WDR17: variants seen among roughly 807,000 people sequenced by gnomAD.
The protein encoded by WDR17 is WD repeat domain 17, also known as WD repeat-containing protein 17.
In WDR17, 143 loss-of-function variants were observed where a neutral mutation model predicts 161.7. The observed-to-expected ratio is 0.88, with a 90% CI of 0.77 to 1.02. WDR17 has a LOEUF of 1.02. WDR17 is among the 50% of genes least tolerant of loss of function. The probability of loss-of-function intolerance (pLI) is 0.00; values close to 1 mark genes in which losing one functional copy is unlikely to be tolerated. For missense variants in WDR17, 1,469 were observed against 1,520.9 expected (o/e 0.97, Z 0.57); for synonymous variants, 517 against 515.6 (o/e 1.00, Z -0.04).
At chr4:176,142,461 C>T (rs766830016) in intron 11 of WDR17, among the ~76,000 whole-genome samples, 2 of 152,120 alleles carry the variant, frequency 1.3e-5, no homozygotes, top group African/African-American at 4.8e-5. Flanking sequence ...GTCCCCCACC[C>T]GATGCTAATG....
At chr4:176,122,108 C>T (rs1348812238) in intron 4 of WDR17, among the ~76,000 whole-genome samples, 1 of 152,160 alleles carries the variant, frequency 6.6e-6, no homozygotes, top group Non-Finnish European at 1.5e-5. Flanking sequence ...GGCCATGCTC[C>T]CCCTGAAGGC....
At chr4:176,153,668 C>T (rs1195849137) in intron 17 of WDR17, among the ~76,000 whole-genome samples, 1 of 152,062 alleles carries the variant, frequency 6.6e-6, no homozygotes, top group Non-Finnish European at 1.5e-5. Context: ...AATTGTGTAG[C>T]TACAAAGCAT....
At position 176,177,515 on chromosome 4, in the gene WDR17, G is replaced by A; in HGVS notation, c.3593G>A (p.Arg1198Lys). Residue 1198 changes from arginine to lysine, a missense_variant, in exon 28 of 29, where the codon AGA becomes AAA. Transcript: ENST00000508596. The part of the protein sequence containing the change: ...SPYTPPSDSQ[R>K]MIYATLLKRL... ...TATACACCCCCTTCTGATTCACAAA[G>A]AATGATTTATGCAACTTTATTAAAG... The A allele has an allele frequency of 1.9e-6, 3 of 1,587,326 alleles. No homozygotes were observed. The highest frequency in any genetic ancestry group is 1.2e-5 in the South Asian group (1 of 86,220).
intron 1 of WDR17, among the ~76,000 whole-genome samples, chr4:176,076,061 T>G (rs1005868675): frequency 1.3e-5 from 2 of 151,934 alleles, no homozygotes; most frequent in African/African-American, 2.4e-5. Flanking sequence ...TGTGCAGTGG[T>G]GAAAAATGAT....
chr4:176,069,092 T>G (rs1310970071), intron 1 of WDR17, among the ~76,000 whole-genome samples: 1 of 152,122 alleles, frequency 6.6e-6, no homozygotes, highest in Non-Finnish European at 1.5e-5. Context: ...GTTCAGGTTG[T>G]TTTCATCTGA....
intron 1 of WDR17, among the ~76,000 whole-genome samples, chr4:176,079,054 A>G (rs1734412769): frequency 6.6e-6 from 1 of 152,102 alleles, no homozygotes; most frequent in Non-Finnish European, 1.5e-5. Context: ...GGCTTCTCAT[A>G]AGCAGCATTC....
intron 10 of WDR17, among the ~76,000 whole-genome samples, chr4:176,140,632 G>T (rs1016653481): frequency 1.3e-5 from 2 of 152,074 alleles, no homozygotes; most frequent in African/African-American, 4.8e-5. Flanking sequence ...AGCCATCTTC[G>T]ATAGGTGGAT....
chr4:176,144,581 T>C (rs1169589390), intron 11 of WDR17, among the ~76,000 whole-genome samples: 1 of 152,200 alleles, frequency 6.6e-6, no homozygotes, highest in Admixed American at 6.5e-5. Context: ...TAGATATTAA[T>C]ATAATATGTT....
intron 4 of WDR17, among the ~76,000 whole-genome samples, chr4:176,124,118 G>A (rs1742048433): frequency 6.6e-6 from 1 of 152,200 alleles, no homozygotes; most frequent in Non-Finnish European, 1.5e-5. Context: ...TGCAGCAAGA[G>A]TTGTATTATC....
chr4:176,130,843 A>G (rs545060231), intron 6 of WDR17, among the ~76,000 whole-genome samples: 19 of 152,036 alleles, frequency 1.2e-4, no homozygotes, highest in Non-Finnish European at 2.6e-4. Context: ...ATTATTTTGG[A>G]TTATGTTTGC....
At chr4:176,143,068 G>A (rs1397979162) in intron 11 of WDR17, among the ~76,000 whole-genome samples, 3 of 152,082 alleles carry the variant, frequency 2.0e-5, no homozygotes, top group African/African-American at 7.2e-5. Context: ...TAGTAGAGAC[G>A]GGGTTTCTCC....
At chr4:176,081,285 T>C (rs1353123742) in intron 1 of WDR17, among the ~76,000 whole-genome samples, 1 of 152,110 alleles carries the variant, frequency 6.6e-6, no homozygotes, top group Non-Finnish European at 1.5e-5. Context: ...TCACAGTTCT[T>C]ACCATGATCT....
intron 8 of WDR17, among the ~76,000 whole-genome samples, chr4:176,135,775 G>C (rs1410390237): frequency 1.3e-5 from 2 of 151,416 alleles, no homozygotes; most frequent in African/African-American, 4.8e-5. Flanking sequence ...ACATATAAAG[G>C]AGAGATGTCC....
chr4:176,066,518 C>T (rs1732549231), intron 1 of WDR17, among the ~76,000 whole-genome samples: 1 of 152,004 alleles, frequency 6.6e-6, no homozygotes, highest in Non-Finnish European at 1.5e-5. Flanking sequence ...AAAGGAAATG[C>T]GTTCCAGAAA....
chr4:176,135,821 T>G (rs1744306768), intron 8 of WDR17, among the ~76,000 whole-genome samples: 1 of 151,592 alleles, frequency 6.6e-6, no homozygotes, highest in African/African-American at 2.4e-5. Context: ...AAAACATTAT[T>G]TCCCCATAAC....
chr4:176,164,984 A>C (rs1231452781), intron 22 of WDR17, among the ~76,000 whole-genome samples: 1 of 152,088 alleles, frequency 6.6e-6, no homozygotes, highest in Admixed American at 6.5e-5. Context: ...TTCATGCTAA[A>C]AGTCATCATC....
rs1253534226 is a variant in WDR17, at chr4:176,150,063, ACTC to A, written c.2075_2077del (p.Pro692del). ...TTCAGATTATGCTATAGAACCAGGC[ACTC>A]CTCCTCTACTGTGTGGTAAAGTGTC... On this transcript the variant is annotated inframe_deletion, in exon 15 of 29. Coordinates refer to ENST00000508596, the MANE Select transcript of WDR17 (RefSeq NM_181265.4). The A allele has an allele frequency of 2.5e-6, 4 of 1,613,878 alleles. No homozygotes were observed. The highest frequency in any genetic ancestry group is 1.1e-5 in the South Asian group (1 of 91,022).
At chr4:176,144,501 G>C (rs998478596) in intron 11 of WDR17, among the ~76,000 whole-genome samples, 4 of 152,110 alleles carry the variant, frequency 2.6e-5, no homozygotes, top group African/African-American at 9.7e-5. Context: ...TGACTAATTA[G>C]AACAGTTCCA....
chr4:176,146,186 T>C, intron 12 of WDR17, 27 bp downstream of exon 12: 1 of 1,603,910 alleles, frequency 6.2e-7, no homozygotes, highest in South Asian at 1.1e-5. Context: ...TCTAATTTTC[T>C]AGTCCTTAAA....
Sources: gnomAD v4.1 joint callset for allele counts (sites outside exome capture counted in the v4.1 genomes callset) on GRCh38, gnomAD v4.1.1 for gene constraint, MANE v1.5 for transcripts, NCBI Gene and HGNC (gene_info 2026-07-23, HGNC 2026-07-21) for gene names.